The following SUCLG2 variants were observed in gnomAD, a reference collection of about 807,000 sequenced individuals.
SUCLG2 encodes the protein succinate--CoA ligase [GDP-forming] subunit beta, mitochondrial.
Under a neutral mutation model 47.9 loss-of-function variants are expected in SUCLG2, and 42 were observed. The observed-to-expected ratio is 0.88, with a 90% CI of 0.69 to 1.14. SUCLG2 has a LOEUF of 1.14. SUCLG2 is among the 50% of genes most tolerant of loss of function. The pLI, the probability that SUCLG2 is intolerant of heterozygous loss-of-function variation, is 0.00. For synonymous variants in SUCLG2, 195 were observed against 197.3 expected, an observed-to-expected ratio of 0.99 and a Z score of 0.10; for missense variants, 571 against 525.9, an observed-to-expected ratio of 1.09 and a Z score of -0.84.
chr3:67,560,320 G>T (rs761234461), intron 2 of SUCLG2, among the ~76,000 whole-genome samples: 1 of 152,158 alleles, frequency 6.6e-6, no homozygotes, highest in Non-Finnish European at 1.5e-5. Context: ...GGCCAACCCT[G>T]CCACCACCTT....
chr3:67,381,882 G>A (rs1702165467), intron 10 of SUCLG2, among the ~76,000 whole-genome samples: 1 of 152,184 alleles, frequency 6.6e-6, no homozygotes, highest in Non-Finnish European at 1.5e-5. Flanking sequence ...GAGTAAGAGA[G>A]CTGTAAACAA....
chr3:67,564,856 A>G (rs1379178526), intron 2 of SUCLG2, among the ~76,000 whole-genome samples: 1 of 152,230 alleles, frequency 6.6e-6, no homozygotes, highest in Non-Finnish European at 1.5e-5. Context: ...GAAAGGTATC[A>G]TATTTTTAAA....
chr3:67,531,072 G>A (rs1454683965), intron 2 of SUCLG2, among the ~76,000 whole-genome samples: 1 of 152,188 alleles, frequency 6.6e-6, no homozygotes, highest in African/African-American at 2.4e-5. Flanking sequence ...TATTAAAGAA[G>A]TCTACAGTGT....
intron 10 of SUCLG2, among the ~76,000 whole-genome samples, chr3:67,384,639 G>A (rs773021698): frequency 7.9e-5 from 12 of 152,194 alleles, no homozygotes; most frequent in Non-Finnish European, 1.8e-4. Context: ...CCAGCTTGCA[G>A]TCCCTACTTC....
At chr3:67,617,511 A>C (rs1700651878) in intron 1 of SUCLG2, among the ~76,000 whole-genome samples, 1 of 152,162 alleles carries the variant, frequency 6.6e-6, no homozygotes, top group African/African-American at 2.4e-5. Flanking sequence ...TCTTCATTGG[A>C]AGTCACCTTT....
intron 1 of SUCLG2, among the ~76,000 whole-genome samples, chr3:67,623,074 A>AAT (rs138501407): frequency 0.045 from 6,766 of 151,140 alleles, 169 homozygotes; most frequent in Middle Eastern, 0.069. Flanking sequence ...ATCTCATTTA[A>AAT]ATATATATAT....
chr3:67,423,455 G>A (rs536605139), intron 9 of SUCLG2, among the ~76,000 whole-genome samples: 2 of 152,118 alleles, frequency 1.3e-5, no homozygotes, highest in East Asian at 3.8e-4. Flanking sequence ...TGTTTGTAAT[G>A]TTTCCATTAC....
Position 67,498,348 on chromosome 3 carries a change from T to C in SUCLG2, c.758-53A>G, listed in dbSNP as rs896796068. On this transcript the variant is annotated intron_variant, in intron 7 of 10. Transcript: ENST00000307227. The stretch of plus-strand genomic sequence containing the variant: ...TGAATATCTCTTGAGGATCTATAAA[T>C]TAAGTTCTTCAGGCTGGTAGGCACA... The C allele has an allele frequency of 1.9e-6, 3 of 1,585,496 alleles. No homozygotes were observed. The African/African-American group carries it at 4.0e-5, about 21-fold the overall frequency.
intron 9 of SUCLG2, among the ~76,000 whole-genome samples, chr3:67,424,506 C>A (rs1010481729): frequency 6.6e-6 from 1 of 152,146 alleles, no homozygotes; most frequent in Admixed American, 6.5e-5. Flanking sequence ...TTTAGAAATA[C>A]GGAATATAGT....
At position 67,375,797 on chromosome 3, in the gene SUCLG2, T is replaced by C. The variant is rs1337602111; in HGVS notation, c.1246A>G (p.Ile416Val). 3.1e-6 allele frequency: 5 copies of C among 1,614,008 alleles called. No homozygotes were observed. The South Asian group carries it at 4.4e-5, about 14-fold the overall frequency. ...NNSGLPITSA[I>V]DLEDAAKKAV... ...TTCTTGGCTGCATCCTCCAGGTCAA[T>C]GGCTGAAGTAATGGGGAGTCCGCTG... The change falls in exon 11 of 11, where the codon ATT (isoleucine) becomes GTT (valine). Residue 416 changes from isoleucine (I) to valine (V), a missense_variant. Ile to Val is a conservative substitution (Grantham distance 29). Coordinates refer to ENST00000307227, the MANE Select transcript of SUCLG2 (RefSeq NM_003848.4).
At chr3:67,449,411 T>A (rs1159189189) in intron 9 of SUCLG2, among the ~76,000 whole-genome samples, 1 of 152,144 alleles carries the variant, frequency 6.6e-6, no homozygotes, top group Non-Finnish European at 1.5e-5. Context: ...AGCCCAAAAC[T>A]CTATATTCAT....
At position 67,375,722 on chromosome 3, in the gene SUCLG2, C is replaced by T; in HGVS notation, c.*22G>A. The stretch of plus-strand genomic sequence containing the variant: ...TTTACGGAAAAATGGCTTTCTTTCT[C>T]CATTGGATCAGGACAAAGACATCAC... On this transcript the variant is annotated 3_prime_UTR_variant, in exon 11 of 11. Transcript: ENST00000307227. 1 of 1,600,498 alleles carries T rather than the reference C, an allele frequency of 6.2e-7. No homozygotes were observed. The highest frequency in any genetic ancestry group is 2.2e-5 in the East Asian group (1 of 44,628).
intron 9 of SUCLG2, among the ~76,000 whole-genome samples, chr3:67,421,216 A>G (rs1247788450): frequency 4.6e-5 from 7 of 152,136 alleles, no homozygotes; most frequent in Admixed American, 4.6e-4. Context: ...ACCACATTTA[A>G]AGACCCACTG....
chr3:67,456,097 A>C (rs1704179292), intron 9 of SUCLG2, among the ~76,000 whole-genome samples: 1 of 152,114 alleles, frequency 6.6e-6, no homozygotes, highest in South Asian at 2.1e-4. Flanking sequence ...ACAGAATGTC[A>C]ATTTTATAAT....
chr3:67,557,571 T>C (rs1355221596), intron 2 of SUCLG2, among the ~76,000 whole-genome samples: 1 of 152,190 alleles, frequency 6.6e-6, no homozygotes, highest in African/African-American at 2.4e-5. Flanking sequence ...TTGAACTTAC[T>C]TTATTCTGTT....
intron 9 of SUCLG2, among the ~76,000 whole-genome samples, chr3:67,427,995 C>T (rs939441926): frequency 5.9e-5 from 9 of 152,218 alleles, no homozygotes; most frequent in Non-Finnish European, 1.3e-4. Flanking sequence ...CCCACTGCAG[C>T]TCAAGGAGGC....
At chr3:67,643,797 C>T (rs542006775) in intron 1 of SUCLG2, among the ~76,000 whole-genome samples, 1 of 152,336 alleles carries the variant, frequency 6.6e-6, no homozygotes, top group African/African-American at 2.4e-5. Flanking sequence ...CTGACTCAGC[C>T]TCCCAAGTAG....
At chr3:67,515,644 C>T (rs150536173) in intron 6 of SUCLG2, among the ~76,000 whole-genome samples, 2,521 of 152,128 alleles carry the variant, frequency 0.017, 70 homozygotes, top group African/African-American at 0.058. Flanking sequence ...TTCAAAGTCA[C>T]GTTGAACCTA....
chr3:67,439,805 C>T (rs1366965754), intron 9 of SUCLG2, among the ~76,000 whole-genome samples: 2 of 152,126 alleles, frequency 1.3e-5, no homozygotes, highest in African/African-American at 4.8e-5. Context: ...GCCATACTGC[C>T]AAAAGGAATT....
Sources: gnomAD v4.1 joint callset for allele counts (sites outside exome capture counted in the v4.1 genomes callset) on GRCh38, gnomAD v4.1.1 for gene constraint, MANE v1.5 for transcripts, NCBI Gene and HGNC (gene_info 2026-07-23, HGNC 2026-07-21) for gene names.